The following SLC25A30 variants were observed in gnomAD, a reference collection of about 807,000 sequenced individuals.
SLC25A30 encodes the protein kidney mitochondrial carrier protein 1.
A neutral mutation model predicts 42.7 loss-of-function variants in SLC25A30; 29 were observed. The ratio of observed to expected loss-of-function variants is 0.68; its 90% CI spans 0.51 to 0.93. The LOEUF is 0.93. Ranked by LOEUF, SLC25A30 falls within the 40% of genes least tolerant of loss-of-function variation. The pLI, the probability that SLC25A30 is intolerant of heterozygous loss-of-function variation, is 0.00. For missense variants in SLC25A30, 300 were observed against 359.7 expected (o/e 0.83, Z 1.34); for synonymous variants, 124 against 131.0 (o/e 0.95, Z 0.37).
chr13:45,408,928 C>T lies in SLC25A30; in HGVS notation c.211G>A (p.Gly71Arg). The T allele has an allele frequency of 7.5e-6, 12 of 1,606,968 alleles. No homozygotes were observed. Among genetic ancestry groups the T allele is most frequent in the Non-Finnish European group, 9.3e-6 (11 of 1,176,810 alleles). ...AGAAATGCATGAAGGCCTACTCACC[C>T]CGAGTAGAGTGCTTTCAGCCCTTCT... Reference protein sequence around the residue: ...REEGLKALYSGIAPAMLRQAS... With the variant: ...REEGLKALYSRIAPAMLRQAS... Residue 71 changes from glycine (G) to arginine (R), a missense_variant and splice_region_variant, in exon 3 of 10, where the codon GGG becomes AGG. Gly to Arg is a moderately radical substitution (Grantham distance 125). Transcript: ENST00000519676.
At chr13:45,397,418 C>T (rs541691622) in intron 8 of SLC25A30, 80 bp from the exon 9 acceptor site, 10 of 1,029,452 alleles carry the variant, frequency 9.7e-6, no homozygotes, top group East Asian at 4.9e-5. Context: ...CCAGGCCAGG[C>T]GCGGTGGCTC....
Position 45,393,532 on chromosome 13 carries a change from A to T in SLC25A30, c.*2442T>A. On this transcript the variant is annotated 3_prime_UTR_variant, in exon 10 of 10. Transcript: ENST00000519676. ...TCCACAACATTAAGCATCAATGATTACACAAATCCATAAGCACACAAACAA... is the reference window on the plus strand; with the variant it reads ...TCCACAACATTAAGCATCAATGATTTCACAAATCCATAAGCACACAAACAA... 1 of 985,456 alleles carries T rather than the reference A, an allele frequency of 1.0e-6. No individual in the cohort carries two copies. The allele number at this position is 985,456 out of a possible 1,614,324, so 61.0% of individuals were successfully genotyped here.
the SLC25A30 span, among the ~76,000 whole-genome samples, chr13:45,425,275 T>G: frequency 9.6e-6 from 1 of 104,546 alleles, no homozygotes; most frequent in Non-Finnish European, 1.7e-5. Flanking sequence ...TACGTATACA[T>G]ATAAATATAT....
chr13:45,429,782 C>G, the SLC25A30 span, among the ~76,000 whole-genome samples: 1 of 151,766 alleles, frequency 6.6e-6, no homozygotes, highest in Non-Finnish European at 1.5e-5. Context: ...CTACAGTGAG[C>G]TGTGATTGCC....
the SLC25A30 span, among the ~76,000 whole-genome samples, chr13:45,425,595 T>G: frequency 2.0e-5 from 1 of 49,612 alleles, no homozygotes; most frequent in African/African-American, 8.0e-5. Context: ...AATATATATA[T>G]ACATATATAT....
chr13:45,405,624 T>A (rs984483959), intron 4 of SLC25A30, among the ~76,000 whole-genome samples: 1 of 152,240 alleles, frequency 6.6e-6, no homozygotes, highest in African/African-American at 2.4e-5. Flanking sequence ...TAACAACACA[T>A]CCCCTGGTCT....
At chr13:45,405,839 C>T (rs772864008) in intron 4 of SLC25A30, 44 bp downstream of exon 4, 1 of 1,581,734 alleles carries the variant, frequency 6.3e-7, no homozygotes, top group Non-Finnish European at 8.7e-7. Flanking sequence ...AAAAGACAGA[C>T]AACCAACCTC....
intron 1 of SLC25A30, among the ~76,000 whole-genome samples, chr13:45,413,133 A>G (rs1182056882): frequency 1.3e-5 from 2 of 152,198 alleles, no homozygotes; most frequent in African/African-American, 2.4e-5. Flanking sequence ...ATATTAACCA[A>G]ATTCATAGCA....
intron 4 of SLC25A30, among the ~76,000 whole-genome samples, chr13:45,404,697 TAATC>T (rs1326802371): frequency 6.6e-6 from 1 of 152,084 alleles, no homozygotes; most frequent in African/African-American, 2.4e-5. Context: ...CAGCTGCCTG[TAATC>T]CCAGCTACTT....
upstream of SLC25A30, among the ~76,000 whole-genome samples, chr13:45,419,136 AAAAAAAAAAAAAAAAG>A (rs1335552835): frequency 1.4e-5 from 1 of 72,526 alleles, no homozygotes; most frequent in East Asian, 2.5e-4. Context: ...CTCTTAAAAA[AAAAAAAAAAAAAAAAG>A]AAAGAAAATG....
chr13:45,398,820 A>T, intron 8 of SLC25A30, 120 bp downstream of exon 8: 1 of 1,084,162 alleles, frequency 9.2e-7, no homozygotes, highest in Non-Finnish European at 1.3e-6. Flanking sequence ...TCACACATGT[A>T]CATCTCTGGG....
At chr13:45,428,165 A>G in the SLC25A30 span, among the ~76,000 whole-genome samples, 2 of 151,884 alleles carry the variant, frequency 1.3e-5, no homozygotes, top group Non-Finnish European at 2.9e-5. Flanking sequence ...TTTTTCTGCC[A>G]TTTATACCCT....
Position 45,394,922 on chromosome 13 carries a change from C to G in SLC25A30, c.*1052G>C. On this transcript the variant is annotated 3_prime_UTR_variant, in exon 10 of 10. Coordinates refer to ENST00000519676, the MANE Select transcript of SLC25A30 (RefSeq NM_001010875.4). ...CTGGAAAAATCAACTCTTTGATTCA[C>G]TACCAACATTTTGCTAAGGAAAATG... is the stretch of plus-strand genomic sequence containing the variant. 4 of 985,424 alleles carry G rather than the reference C, an allele frequency of 4.1e-6. No homozygotes were observed. The highest frequency in any genetic ancestry group is 4.8e-6 in the Non-Finnish European group (4 of 829,896). 61.0% of individuals were successfully genotyped at this position (985,424 alleles called of 1,614,324 possible).
chr13:45,423,587 A>G, the SLC25A30 span, among the ~76,000 whole-genome samples: 2 of 62,440 alleles, frequency 3.2e-5, no homozygotes, highest in African/African-American at 9.7e-5. Context: ...AAAAATATAT[A>G]TAAATATATA....
the SLC25A30 span, among the ~76,000 whole-genome samples, chr13:45,425,547 TATAA>T: frequency 5.3e-5 from 4 of 76,004 alleles, 1 homozygote; most frequent in African/African-American, 2.7e-4. Flanking sequence ...AGTATATATA[TATAA>T]GTATATATAT....
chr13:45,410,196 G>A (rs1882880250), intron 2 of SLC25A30, among the ~76,000 whole-genome samples: 3 of 152,248 alleles, frequency 2.0e-5, no homozygotes, highest in Admixed American at 2.0e-4. Flanking sequence ...CGATGAGGAA[G>A]TCACAAATGG....
chr13:45,421,500 A>G (rs1402014665), upstream of SLC25A30, among the ~76,000 whole-genome samples: 1 of 151,956 alleles, frequency 6.6e-6, no homozygotes, highest in East Asian at 1.9e-4. Context: ...TTTGCCTTCA[A>G]CTTTCCCCCT....
At chr13:45,418,401 A>ACCCACGAGCCTGCACGCAGC (rs1883733364), upstream of SLC25A30, 2 of 151,622 alleles carry the variant, frequency 1.3e-5, no homozygotes, top group Non-Finnish European at 2.9e-5. Flanking sequence ...GGCGGGGCAG[A>ACCCACGAGCCTGCACGCAGC]CCCACGAGCC....
Position 45,395,113 on chromosome 13 carries a change from T to C in SLC25A30, c.*861A>G. 1.0e-6 allele frequency: 1 copy of C among 985,490 alleles called. No homozygotes were observed. Among genetic ancestry groups the C allele is most frequent in the Non-Finnish European group, 1.2e-6 (1 of 829,948 alleles). 61.0% of individuals were successfully genotyped at this position (985,490 alleles called of 1,614,324 possible). On this transcript the variant is annotated 3_prime_UTR_variant, in exon 10 of 10. Coordinates refer to ENST00000519676, the MANE Select transcript of SLC25A30 (RefSeq NM_001010875.4). The stretch of plus-strand genomic sequence containing the variant: ...AAACACATTTACCTTTCCAGTCAAG[T>C]AGCAGCAGCTACTATTTGTTCTTCA...
Sources: gnomAD v4.1 joint callset for allele counts (sites outside exome capture counted in the v4.1 genomes callset) on GRCh38, gnomAD v4.1.1 for gene constraint, MANE v1.5 for transcripts, NCBI Gene and HGNC (gene_info 2026-07-23, HGNC 2026-07-21) for gene names.